Variants in ARAP2 observed in about 807,000 individuals in gnomAD.
The protein encoded by ARAP2 is ArfGAP with RhoGAP domain, ankyrin repeat and PH domain 2.
A neutral mutation model predicts 194.5 loss-of-function variants in ARAP2; 148 were observed. The observed-to-expected ratio is 0.76, with a 90% confidence interval of 0.67 to 0.87. The LOEUF (loss-of-function observed/expected upper bound fraction) is 0.87, where lower values mean the gene tolerates loss of function less well. Ranked by LOEUF, ARAP2 falls within the 40% of genes least tolerant of loss-of-function variation. The pLI is 0.00. For missense variants in ARAP2, 2,128 were observed against 1,989.7 expected, an observed-to-expected ratio of 1.07 and a Z score of -1.32; for synonymous variants, 695 against 683.5, an observed-to-expected ratio of 1.02 and a Z score of -0.26.
At chr4:36,030,417 A>G (rs535813737) in intron 5 of ARAP2, among the ~76,000 whole-genome samples, 4 of 152,156 alleles carry the variant, frequency 2.6e-5, no homozygotes, top group Admixed American at 6.5e-5. Context: ...TTCCATGTGC[A>G]CCATGTATCC....
At chr4:36,022,073 G>A (rs1400608765) in intron 5 of ARAP2, among the ~76,000 whole-genome samples, 9 of 152,140 alleles carry the variant, frequency 5.9e-5, no homozygotes, top group African/African-American at 1.4e-4. Flanking sequence ...CTAAACCTAC[G>A]TAAACATAGA....
Position 36,066,148 on chromosome 4 carries a change from G to T in ARAP2, c.*1759C>A, listed in dbSNP as rs1725403508. On this transcript the variant is annotated 3_prime_UTR_variant, in exon 33 of 33. Transcript: ENST00000303965. ...AGAGTTTAAGCTCAAGTTTCAAGAA[G>T]AATTCAGATAAGGCAGGTAAAAACT... 1 of 152,114 alleles carries T rather than the reference G, an allele frequency of 6.6e-6. No individual in the cohort carries two copies. The highest frequency in any genetic ancestry group is 1.9e-4 in the East Asian group (1 of 5,200). 9.4% of individuals were successfully genotyped at this position (152,114 alleles called of 1,614,324 possible).
rs765600756 is a variant in ARAP2, at chr4:36,117,079, G to T, written c.4020C>A (p.Asp1340Glu). ...IEVYVERKEP[D>E]CSIIIRISPV... is the part of the protein sequence containing the mutation. ...AACTTACCCGAATTATAATACTACA[G>T]TCGGGTTCCTTCCTTTCTACATATA... Residue 1340 changes from aspartate (D) to glutamate (E), a missense_variant, in exon 25 of 33, where the codon GAC becomes GAA. Asp to Glu is a conservative substitution (Grantham distance 45). Transcript: ENST00000303965. 2 of 1,598,090 alleles carry T rather than the reference G, an allele frequency of 1.3e-6. No individual in the cohort carries two copies. The highest frequency in any genetic ancestry group is 2.2e-5 in the South Asian group (2 of 89,192).
intron 28 of ARAP2, among the ~76,000 whole-genome samples, chr4:36,087,713 C>T (rs1378997638): frequency 6.6e-6 from 1 of 152,076 alleles, no homozygotes; most frequent in Non-Finnish European, 1.5e-5. Context: ...GAACTGTTTG[C>T]ATTTCCTTAT....
intron 5 of ARAP2, among the ~76,000 whole-genome samples, chr4:36,027,954 C>A (rs886163776): frequency 6.6e-6 from 1 of 152,124 alleles, no homozygotes; most frequent in Non-Finnish European, 1.5e-5. Context: ...ACCAATGGGA[C>A]CACTGGGAAT....
At chr4:36,035,902 C>A (rs1490938288) in intron 5 of ARAP2, among the ~76,000 whole-genome samples, 1 of 152,090 alleles carries the variant, frequency 6.6e-6, no homozygotes, top group African/African-American at 2.4e-5. Flanking sequence ...ACAATTATTT[C>A]TCAACTGTTA....
At chr4:36,064,398 G>A (rs758040507), downstream of ARAP2, among the ~76,000 whole-genome samples, 4 of 152,168 alleles carry the variant, frequency 2.6e-5, no homozygotes, top group Non-Finnish European at 5.9e-5. Flanking sequence ...GGAGAACCAA[G>A]TGGCCTAGCC....
At chr4:36,028,385 T>A (rs1024513790) in intron 5 of ARAP2, among the ~76,000 whole-genome samples, 1 of 152,058 alleles carries the variant, frequency 6.6e-6, no homozygotes, top group African/African-American at 2.4e-5. Flanking sequence ...AATAGCTTGA[T>A]TTAAAAATTC....
At chr4:36,240,626 G>A (rs190884975) in intron 1 of ARAP2, among the ~76,000 whole-genome samples, 1 of 152,132 alleles carries the variant, frequency 6.6e-6, no homozygotes, top group Non-Finnish European at 1.5e-5. Flanking sequence ...TGAAATGAGC[G>A]CATATGCATT....
intron 9 of ARAP2, among the ~76,000 whole-genome samples, chr4:36,171,201 C>T (rs146382203): frequency 1.3e-5 from 2 of 152,122 alleles, no homozygotes; most frequent in Admixed American, 6.5e-5. Context: ...AATCATGCTG[C>T]TATAAAGACA....
At chr4:36,223,269 C>A (rs1219803382) in intron 2 of ARAP2, among the ~76,000 whole-genome samples, 1 of 152,022 alleles carries the variant, frequency 6.6e-6, no homozygotes, top group Admixed American at 6.6e-5. Context: ...ATAATAAAAT[C>A]TAAAAATAAA....
chr4:36,047,632 T>C (rs1428514869), intron 3 of ARAP2, among the ~76,000 whole-genome samples: 1 of 152,194 alleles, frequency 6.6e-6, no homozygotes, highest in Non-Finnish European at 1.5e-5. Flanking sequence ...ATAACTGAAT[T>C]CAACTTATTC....
At chr4:36,190,135 G>A (rs934324465) in intron 7 of ARAP2, among the ~76,000 whole-genome samples, 4 of 152,114 alleles carry the variant, frequency 2.6e-5, no homozygotes, top group African/African-American at 7.2e-5. Flanking sequence ...TTGTCTTCAC[G>A]CCCATCTGCA....
chr4:36,125,083 A>G (rs188893562), intron 21 of ARAP2, 116 bp from the exon 22 acceptor site: 5 of 607,772 alleles, frequency 8.2e-6, no homozygotes, highest in Non-Finnish European at 1.4e-5. Flanking sequence ...AGGTGATACA[A>G]TCAGGTTTCA....
At chr4:36,190,285 C>A (rs1427801916) in intron 7 of ARAP2, among the ~76,000 whole-genome samples, 1 of 152,152 alleles carries the variant, frequency 6.6e-6, no homozygotes, top group Non-Finnish European at 1.5e-5. Context: ...CTGGATTTTT[C>A]CTTTATAACA....
At chr4:36,142,630 T>C (rs1310212710) in intron 19 of ARAP2, among the ~76,000 whole-genome samples, 2 of 151,576 alleles carry the variant, frequency 1.3e-5, no homozygotes, top group Non-Finnish European at 3.0e-5. Flanking sequence ...TAACTGATCC[T>C]TCCTTTTTGA....
At chr4:36,144,714 T>C (rs1340489641) in intron 19 of ARAP2, among the ~76,000 whole-genome samples, 1 of 151,810 alleles carries the variant, frequency 6.6e-6, no homozygotes, top group African/African-American at 2.4e-5. Flanking sequence ...ATAAAAATAA[T>C]CAAATGAAGG....
chr4:36,022,401 C>T (rs1423858106), intron 5 of ARAP2, among the ~76,000 whole-genome samples: 5 of 152,036 alleles, frequency 3.3e-5, no homozygotes, highest in Non-Finnish European at 4.4e-5. Context: ...CCCAACATAA[C>T]GGCAGGACTT....
Position 36,114,210 on chromosome 4 carries a change from A to G in ARAP2, c.4116T>C (p.Asp1372=), listed in dbSNP as rs748166801. The G allele has an allele frequency of 3.7e-6, 6 of 1,603,378 alleles. No homozygotes were observed. The South Asian group carries it at 6.7e-5, about 18-fold the overall frequency. ...AIKNIIPTKG[D]IWATFEVIEN... is the part of the protein sequence containing the mutation. ...CAATGACTTCAAATGTGGCCCAAAT[A>G]TCACCTTTTGTAGGAATAATATTTT... is the stretch of plus-strand genomic sequence containing the variant. The change falls in exon 26 of 33, where the codon GAT becomes GAC. Residue 1372 remains aspartate (D), a synonymous_variant. Transcript: ENST00000303965.
Sources: gnomAD v4.1 joint callset for allele counts (sites outside exome capture counted in the v4.1 genomes callset) on GRCh38, gnomAD v4.1.1 for gene constraint, MANE v1.5 for transcripts, NCBI Gene and HGNC (gene_info 2026-07-23, HGNC 2026-07-21) for gene names.